STAB1: variants seen among roughly 807,000 people sequenced by gnomAD.
The protein encoded by STAB1 is stabilin 1.
In STAB1, 250 loss-of-function variants were observed where a neutral mutation model predicts 332.4. The observed-to-expected ratio is 0.75, with a 90% CI of 0.68 to 0.84. STAB1 has a LOEUF of 0.84. Among genes scored for constraint, STAB1 ranks in the 40% least tolerant of loss-of-function variants. The probability of loss-of-function intolerance (pLI) is 0.00; values close to 1 mark genes in which losing one functional copy is unlikely to be tolerated. For missense variants in STAB1, 3,249 were observed against 3,489.7 expected (o/e 0.93, Z 1.74); for synonymous variants, 1,475 against 1,390.4 (o/e 1.06, Z -1.35).
Position 52,522,911 on chromosome 3 carries a change from G to A in STAB1, c.6881G>A (p.Arg2294His), listed in dbSNP as rs757367871. ...SLGARKNLSE[R>H]WDAYCFRVQD... is the part of the protein sequence containing the mutation. ...GGTGCCCGCAAGAACCTCTCAGAAC[G>A]CTGGGATGCCTACTGCTTCCGTGTG... Residue 2294 changes from arginine (R) to histidine (H), a missense_variant, in exon 62 of 69, where the codon CGC becomes CAC. Coordinates refer to ENST00000321725, the MANE Select transcript of STAB1 (RefSeq NM_015136.3). 31 of 1,613,206 alleles carry A rather than the reference G, an allele frequency of 1.9e-5. No individual in the cohort carries two copies. Among genetic ancestry groups the A allele is most frequent in the Admixed American group, 1.0e-4 (6 of 59,990 alleles).
chr3:52,519,802 C>G, intron 50 of STAB1, 142 bp from the exon 51 acceptor site: 1 of 1,203,484 alleles, frequency 8.3e-7, no homozygotes, highest in South Asian at 1.5e-5. Flanking sequence ...GAGATGTGTG[C>G]ACACACATGC....
At chr3:52,514,257 T>TGG in intron 33 of STAB1, 44 bp downstream of exon 33, 1 of 1,607,940 alleles carries the variant, frequency 6.2e-7, no homozygotes, top group East Asian at 2.2e-5. Context: ...GGCAAAGGCA[T>TGG]AGAGGGCGAG....
At position 52,523,118 on chromosome 3, in the gene STAB1, TCTC is replaced by T. The variant is rs777789339; in HGVS notation, c.7006_7008del (p.Ser2336del). ...GATGTGCTGGCTGCCACTGCCAACT[TCTC>T]CACCTTCTATGGGGTGTGTGGGGGC... On this transcript the variant is annotated inframe_deletion, in exon 63 of 69. Transcript: ENST00000321725. 4 of 1,585,108 alleles carry T rather than the reference TCTC, an allele frequency of 2.5e-6. No individual in the cohort carries two copies. The East Asian group carries it at 9.0e-5, about 36-fold the overall frequency.
chr3:52,519,442 A>T, intron 49 of STAB1, 38 bp downstream of exon 49: 1 of 1,611,872 alleles, frequency 6.2e-7, no homozygotes, highest in Non-Finnish European at 8.5e-7. Context: ...GAAGACAGGC[A>T]GGTGGGGGCC....
chr3:52,506,510 G>A (rs1008970090), intron 17 of STAB1, among the ~76,000 whole-genome samples, 182 bp from the exon 18 acceptor site: 9 of 152,234 alleles, frequency 5.9e-5, no homozygotes, highest in Admixed American at 1.3e-4. Flanking sequence ...GTAAGGACCC[G>A]CAGCCTGGAG....
intron 37 of STAB1, 145 bp from the exon 38 acceptor site, chr3:52,515,894 CTCTT>C: frequency 2.2e-6 from 2 of 913,308 alleles, no homozygotes; most frequent in South Asian, 3.6e-5. Flanking sequence ...ATCTCTGTGT[CTCTT>C]TCAGCTCTGA....
chr3:52,505,807 C>A lies in STAB1; in HGVS notation c.1695+26C>A, dbSNP rs369444714. On this transcript the variant is annotated intron_variant, in intron 15 of 68. Transcript: ENST00000321725. ...GTAAGCTCAGCGGGAGAAGGGGCTG[C>A]GGGTATGGGGGCACCAGGACCTCCA... 7.4e-6 allele frequency: 12 copies of A among 1,613,622 alleles called. No homozygotes were observed. The East Asian group carries it at 1.8e-4, about 24-fold the overall frequency.
rs766229139 is a variant in STAB1, at chr3:52,515,053, T to C, written c.3864+8T>C. 27 of 1,613,190 alleles carry C rather than the reference T, an allele frequency of 1.7e-5. 1 individual carries two copies. The South Asian group carries it at 2.5e-4, about 15-fold the overall frequency. On this transcript the variant is annotated splice_region_variant and intron_variant, in intron 36 of 68. Coordinates refer to ENST00000321725, the MANE Select transcript of STAB1 (RefSeq NM_015136.3). Reference sequence around the variant, plus strand: ...CAGGGCTTCCAGCTGCAGGTGAGACTGGGCTTAGCGCAGCTCTGTCCCTGT... The same window carrying C: ...CAGGGCTTCCAGCTGCAGGTGAGACCGGGCTTAGCGCAGCTCTGTCCCTGT...
rs770596440 is a variant in STAB1, at chr3:52,520,783, G to A, written c.5707-21G>A. ...ACCAAACTCAGAACCACCCAACTGCGGCCTGACTCCTTTGGCCCAGGGCAG... is the reference window on the plus strand; with the variant it reads ...ACCAAACTCAGAACCACCCAACTGCAGCCTGACTCCTTTGGCCCAGGGCAG... On this transcript the variant is annotated intron_variant, in intron 54 of 68. Transcript: ENST00000321725. 13 of 1,612,738 alleles carry A rather than the reference G, an allele frequency of 8.1e-6. No homozygotes were observed. The Admixed American group carries it at 1.3e-4, about 17-fold the overall frequency.
At chr3:52,515,952 TG>T in intron 37 of STAB1, 90 bp from the exon 38 acceptor site, 1 of 1,410,992 alleles carries the variant, frequency 7.1e-7, no homozygotes. Flanking sequence ...TTTTGCTCCA[TG>T]GCTCTGTGGC....
chr3:52,521,749 C>T, intron 57 of STAB1, 49 bp downstream of exon 57: 1 of 1,607,288 alleles, frequency 6.2e-7, no homozygotes, highest in Non-Finnish European at 8.5e-7. Context: ...TGTACATGTG[C>T]ACACATCAGT....
At chr3:52,512,478 G>C in intron 27 of STAB1, 42 bp downstream of exon 27, 1 of 1,610,460 alleles carries the variant, frequency 6.2e-7, no homozygotes, top group Non-Finnish European at 8.5e-7. Context: ...CCCCGTGCTT[G>C]GGAAGGAGCC....
At chr3:52,518,922 C>G in intron 48 of STAB1, 53 bp downstream of exon 48, 3 of 1,448,758 alleles carry the variant, frequency 2.1e-6, no homozygotes, top group Non-Finnish European at 2.7e-6. Flanking sequence ...CCCGCCCCTG[C>G]GCGCCATTGC....
chr3:52,506,282 G>C (rs1041372588), intron 17 of STAB1, 32 bp downstream of exon 17: 1 of 1,585,590 alleles, frequency 6.3e-7, no homozygotes, highest in East Asian at 2.3e-5. Context: ...GCGGATGGTG[G>C]GGCTGGCGGT....
At chr3:52,517,279 G>A (rs1388000646) in intron 42 of STAB1, 41 bp from the exon 43 acceptor site, 5 of 1,494,760 alleles carry the variant, frequency 3.3e-6, no homozygotes, top group Middle Eastern at 1.8e-4. Flanking sequence ...GAAGGGGGGG[G>A]CCACTAAGGG....
rs147369206 is a variant in STAB1, at chr3:52,514,808, T to A, written c.3786T>A (p.His1262Gln). 29 of 1,612,736 alleles carry A rather than the reference T, an allele frequency of 1.8e-5. No homozygotes were observed. Among genetic ancestry groups the A allele is most frequent in the Non-Finnish European group, 2.4e-5 (28 of 1,179,962 alleles). Reference protein sequence around the residue: ...VLTVGSSRCLHSHAEALREKC... With the variant: ...VLTVGSSRCLQSHAEALREKC... The stretch of plus-strand genomic sequence containing the variant: ...CGGTGGGCTCAAGTCGCTGCCTGCA[T>A]AGCCACGCTGAGGCCCTGCGGGTGA... The change falls in exon 35 of 69, where the codon CAT becomes CAA. Residue 1262 changes from histidine to glutamine, a missense_variant. His to Gln is a conservative substitution (Grantham distance 24). Transcript: ENST00000321725.
chr3:52,523,827 G>C, intron 66 of STAB1, 44 bp from the exon 67 acceptor site: 1 of 1,583,256 alleles, frequency 6.3e-7, no homozygotes, highest in Non-Finnish European at 8.6e-7. Flanking sequence ...GGAAGGTGGT[G>C]GGACAGCTCC....
chr3:52,518,906 C>CCCCGCCCCTCCCCGT, intron 48 of STAB1, 37 bp downstream of exon 48: 1 of 1,438,326 alleles, frequency 7.0e-7, no homozygotes, highest in Non-Finnish European at 9.1e-7. Flanking sequence ...CTCCATCCCG[C>CCCCGCCCCTCCCCGT]CCCGCCCCGC....
At position 52,520,036 on chromosome 3, in the gene STAB1, G is replaced by A. The variant is rs1007586383; in HGVS notation, c.5328G>A (p.Pro1776=). 1.2e-5 allele frequency: 19 copies of A among 1,612,476 alleles called. No homozygotes were observed. Among genetic ancestry groups the A allele is most frequent in the Non-Finnish European group, 1.5e-5 (18 of 1,179,890 alleles). ...PTDAAFRALP[P]DRQAWLYHED... is the part of the protein sequence containing the mutation. Reference sequence around the variant, plus strand: ...ACGCCGCCTTTCGAGCTCTGCCTCCGGATCGCCAGGCCTGGCTGTACCATG... The same window carrying A: ...ACGCCGCCTTTCGAGCTCTGCCTCCAGATCGCCAGGCCTGGCTGTACCATG... Residue 1776 remains proline, a synonymous_variant, in exon 51 of 69, where the codon CCG becomes CCA. Transcript: ENST00000321725.
Sources: allele counts gnomAD v4.1 joint callset (sites outside exome capture counted in the v4.1 genomes callset), GRCh38; gene constraint gnomAD v4.1.1; transcripts MANE v1.5; gene names NCBI Gene and HGNC (gene_info 2026-07-23, HGNC 2026-07-21).